Variants in NR2C1 observed in about 807,000 individuals in gnomAD.
The protein encoded by NR2C1 is TR2 nuclear hormone receptor.
In NR2C1, 33 loss-of-function variants were observed where a neutral mutation model predicts 74.8. That is an observed-to-expected ratio of 0.44 (90% CI 0.33 to 0.59). The LOEUF is 0.59. Among genes scored for constraint, NR2C1 ranks in the 20% least tolerant of loss-of-function variants. NR2C1 has a pLI of 0.02. For missense variants in NR2C1, 568 were observed against 715.6 expected, an observed-to-expected ratio of 0.79 and a Z score of 2.35; for synonymous variants, 225 against 240.6, an observed-to-expected ratio of 0.94 and a Z score of 0.60.
intron 4 of NR2C1, among the ~76,000 whole-genome samples, chr12:95,059,147 CA>C (rs1388816435): frequency 6.6e-6 from 1 of 151,002 alleles, no homozygotes; most frequent in Non-Finnish European, 1.5e-5. Flanking sequence ...ACTGAAAATA[CA>C]AAAATTAGCA....
In NR2C1 at chr12:95,049,177, C is replaced by T. The variant is rs772626330; in HGVS notation, c.1022G>A (p.Ser341Asn). The T allele has an allele frequency of 2.5e-6, 4 of 1,614,142 alleles. No homozygotes were observed. The South Asian group carries it at 4.4e-5, about 18-fold the overall frequency. The change falls in exon 9 of 14, where the codon AGC (serine) becomes AAC (asparagine). Residue 341 changes from serine (S) to asparagine (N), a missense_variant. Ser to Asn is a conservative substitution (Grantham distance 46, BLOSUM62 1). Transcript: ENST00000333003. ...ACTTCCTTCCATGCCCGCTACTGAG[C>T]TCTGGCAGGCTGTGCTCTCTCCAGG... ...LNPGESTACQSSVAGMEGSVH... is the reference protein window; with the variant it reads ...LNPGESTACQNSVAGMEGSVH...
intron 9 of NR2C1, among the ~76,000 whole-genome samples, chr12:95,047,736 A>G (rs1031254926): frequency 6.6e-6 from 1 of 152,188 alleles, no homozygotes; most frequent in African/African-American, 2.4e-5. Flanking sequence ...AAGAGTATCC[A>G]CAGCTGAGTG....
intron 2 of NR2C1, among the ~76,000 whole-genome samples, chr12:95,066,171 T>C (rs1158119164): frequency 6.6e-6 from 1 of 152,194 alleles, no homozygotes; most frequent in Non-Finnish European, 1.5e-5. Flanking sequence ...GAATCTCATA[T>C]CTGTTTCTTT....
At chr12:95,045,576 G>A (rs910699335) in intron 9 of NR2C1, among the ~76,000 whole-genome samples, 12 of 152,334 alleles carry the variant, frequency 7.9e-5, no homozygotes, top group Middle Eastern at 3.4e-3. Flanking sequence ...TATGGAATGA[G>A]AAGAGTGAGG....
rs1370137451 is a variant in NR2C1, at chr12:95,040,522, A to C, written c.1207T>G (p.Leu403Val). The C allele has an allele frequency of 1.9e-6, 3 of 1,614,014 alleles. No homozygotes were observed. The highest frequency in any genetic ancestry group is 2.5e-6 in the Non-Finnish European group (3 of 1,179,930). Reference sequence around the variant, plus strand: ...ATCGAAAGTGCCCAGTGCATTGATAAGAACAGCAGTCTGGAGGCAGACTCC... The same window carrying C: ...ATCGAAAGTGCCCAGTGCATTGATACGAACAGCAGTCTGGAGGCAGACTCC... The part of the protein sequence containing the change: ...IGESASRLLF[L>V]SMHWALSIPS... Residue 403 changes from leucine (L) to valine (V), a missense_variant, in exon 10 of 14, where the codon TTA (leucine) becomes GTA (valine). By Grantham distance (32) the Leu-to-Val change is conservative. Coordinates refer to ENST00000333003, the MANE Select transcript of NR2C1 (RefSeq NM_003297.4).
intron 12 of NR2C1, 184 bp downstream of exon 12, chr12:95,028,203 T>G: frequency 1.8e-6 from 1 of 542,702 alleles, no homozygotes; most frequent in South Asian, 2.5e-5. Flanking sequence ...TCATTTCTCT[T>G]GGGCTGACAA....
chr12:95,072,273 AAAAAACAAAAAC>A (rs1206678477), intron 1 of NR2C1, among the ~76,000 whole-genome samples: 20 of 146,568 alleles, frequency 1.4e-4, no homozygotes, highest in East Asian at 1.0e-3. Flanking sequence ...CTAAAAATAC[AAAAAACAAAAAC>A]AAAAACAAAA....
At chr12:95,042,132 C>G (rs935469490) in intron 9 of NR2C1, among the ~76,000 whole-genome samples, 4 of 151,668 alleles carry the variant, frequency 2.6e-5, no homozygotes, top group African/African-American at 9.7e-5. Flanking sequence ...TTAACAGTGG[C>G]TACCTCTGGG....
intron 13 of NR2C1, among the ~76,000 whole-genome samples, chr12:95,023,619 TCA>T (rs1051532363): frequency 1.3e-5 from 2 of 152,198 alleles, no homozygotes; most frequent in Non-Finnish European, 2.9e-5. Context: ...TTACTGTCTC[TCA>T]CAGTGCTGTT....
intron 1 of NR2C1, among the ~76,000 whole-genome samples, chr12:95,068,610 C>G (rs569705334): frequency 6.6e-6 from 1 of 152,112 alleles, no homozygotes; most frequent in Non-Finnish European, 1.5e-5. Flanking sequence ...GCCTGGCCAA[C>G]ATGGTGAAAC....
At chr12:95,030,450 A>G in intron 11 of NR2C1, 2 of 1,405,218 alleles carry the variant, frequency 1.4e-6, no homozygotes, top group Middle Eastern at 1.9e-4. Flanking sequence ...GTAGAGGGAC[A>G]TGTTTAAAAC....
intron 5 of NR2C1, chr12:95,058,108 A>C (rs910378110): frequency 3.0e-6 from 2 of 661,552 alleles, no homozygotes; most frequent in African/African-American, 1.8e-5. Flanking sequence ...CAAACTACAA[A>C]TACGTGCTTT....
intron 9 of NR2C1, among the ~76,000 whole-genome samples, chr12:95,048,627 T>G (rs1592758313): frequency 6.6e-6 from 1 of 151,432 alleles, no homozygotes; most frequent in East Asian, 1.9e-4. Flanking sequence ...GATGAGTTTT[T>G]TTTTTTTTTT....
intron 3 of NR2C1, among the ~76,000 whole-genome samples, chr12:95,060,584 G>A (rs1023911533): frequency 9.9e-5 from 15 of 152,182 alleles, no homozygotes; most frequent in Admixed American, 3.3e-4. Flanking sequence ...GAACCCAGGC[G>A]GCAGAGGTTG....
intron 1 of NR2C1, among the ~76,000 whole-genome samples, chr12:95,067,878 CTT>C (rs35730526): frequency 4.9e-4 from 54 of 109,992 alleles, no homozygotes; most frequent in East Asian, 3.1e-3. Flanking sequence ...CTCCATGTAT[CTT>C]TTTTTTTTTT....
chr12:95,030,365 T>C, intron 11 of NR2C1: 1 of 931,024 alleles, frequency 1.1e-6, no homozygotes, highest in Non-Finnish European at 1.4e-6. Flanking sequence ...TAAAAACAGA[T>C]ATTTAGTAAA....
chr12:95,068,088 C>T (rs1229706814), intron 1 of NR2C1, among the ~76,000 whole-genome samples: 1 of 152,054 alleles, frequency 6.6e-6, no homozygotes, highest in Non-Finnish European at 1.5e-5. Flanking sequence ...CTGTGTTAGC[C>T]AGGATGGCCT....
intron 8 of NR2C1, among the ~76,000 whole-genome samples, chr12:95,050,303 A>G (rs1872802433): frequency 6.6e-6 from 1 of 152,054 alleles, no homozygotes; most frequent in Non-Finnish European, 1.5e-5. Flanking sequence ...TATTCAGTAT[A>G]TATATTATGT....
intron 9 of NR2C1, among the ~76,000 whole-genome samples, chr12:95,043,320 GA>G (rs892478662): frequency 6.6e-6 from 1 of 151,992 alleles, no homozygotes; most frequent in Non-Finnish European, 1.5e-5. Context: ...AAGGAAGTCT[GA>G]AAAACTAAGG....
Sources: gnomAD v4.1 joint callset for allele counts (sites outside exome capture counted in the v4.1 genomes callset) on GRCh38, gnomAD v4.1.1 for gene constraint, MANE v1.5 for transcripts, NCBI Gene and HGNC (gene_info 2026-07-23, HGNC 2026-07-21) for gene names.